The following FNBP1L variants were observed in gnomAD, a reference collection of about 807,000 sequenced individuals.
The protein encoded by FNBP1L is formin-binding protein 1-like.
In FNBP1L, 36 loss-of-function variants were observed where a neutral mutation model predicts 91.2. The observed-to-expected ratio is 0.39, with a 90% confidence interval of 0.30 to 0.52. The LOEUF is 0.52. Among genes scored for constraint, FNBP1L ranks in the 20% least tolerant of loss-of-function variants. The probability of loss-of-function intolerance (pLI) is 0.66; values close to 1 mark genes in which losing one functional copy is unlikely to be tolerated. For missense variants in FNBP1L, 571 were observed against 732.1 expected (o/e 0.78, Z 2.54); for synonymous variants, 242 against 237.0 (o/e 1.02, Z -0.19).
At chr1:93,534,671 G>A (rs756223685) in intron 8 of FNBP1L, 34 bp from the exon 9 acceptor site, 9 of 1,442,286 alleles carry the variant, frequency 6.2e-6, no homozygotes, top group African/African-American at 1.4e-5. Flanking sequence ...ATGAGCAAGT[G>A]AAACAGTTTT....
intron 2 of FNBP1L, among the ~76,000 whole-genome samples, chr1:93,513,921 G>A (rs934406143): frequency 6.6e-6 from 1 of 152,124 alleles, no homozygotes; most frequent in Non-Finnish European, 1.5e-5. Context: ...TCTGGCCAGG[G>A]CAATTAGGCA....
chr1:93,500,688 G>A (rs1236113144), intron 2 of FNBP1L, among the ~76,000 whole-genome samples: 2 of 150,856 alleles, frequency 1.3e-5, no homozygotes, highest in Admixed American at 1.3e-4. Context: ...TTAAACTAGT[G>A]GTCCCAGAAG....
intron 1 of FNBP1L, among the ~76,000 whole-genome samples, chr1:93,452,657 G>A (rs1449891880): frequency 6.6e-6 from 1 of 152,172 alleles, no homozygotes. Context: ...TGAACTCTGT[G>A]CTCCACAATC....
At chr1:93,480,105 C>T (rs530538669) in intron 1 of FNBP1L, among the ~76,000 whole-genome samples, 82 of 152,304 alleles carry the variant, frequency 5.4e-4, no homozygotes, top group South Asian at 1.4e-3. Context: ...TCCTCTGCCG[C>T]GGCTTCAGCT....
intron 2 of FNBP1L, among the ~76,000 whole-genome samples, chr1:93,514,918 G>C (rs1432143762): frequency 6.6e-6 from 1 of 152,156 alleles, no homozygotes; most frequent in Non-Finnish European, 1.5e-5. Flanking sequence ...ATTGACAAAT[G>C]GGATCGAATT....
At chr1:93,492,137 A>G (rs902591040) in intron 1 of FNBP1L, among the ~76,000 whole-genome samples, 1 of 152,206 alleles carries the variant, frequency 6.6e-6, no homozygotes, top group Admixed American at 6.5e-5. Flanking sequence ...AGAAAATAAG[A>G]ATGACATTTA....
chr1:93,472,860 T>A (rs1477650008), intron 1 of FNBP1L, among the ~76,000 whole-genome samples: 3 of 150,476 alleles, frequency 2.0e-5, no homozygotes, highest in East Asian at 3.9e-4. Context: ...CCTAACAGTT[T>A]GTTAGTTTAC....
intron 1 of FNBP1L, among the ~76,000 whole-genome samples, chr1:93,478,226 C>G (rs1309819069): frequency 6.6e-6 from 1 of 152,034 alleles, no homozygotes; most frequent in Admixed American, 6.6e-5. Flanking sequence ...TTGGAAGCTG[C>G]GATGGTCTAG....
chr1:93,466,012 G>A (rs539045841), intron 1 of FNBP1L, among the ~76,000 whole-genome samples: 9 of 152,294 alleles, frequency 5.9e-5, no homozygotes, highest in African/African-American at 2.2e-4. Context: ...CTTTTGAGAA[G>A]TATGTGTTCA....
chr1:93,483,028 A>AG (rs1669767468), intron 1 of FNBP1L, among the ~76,000 whole-genome samples: 1 of 150,270 alleles, frequency 6.7e-6, no homozygotes, highest in Non-Finnish European at 1.5e-5. Context: ...AAAAAAACAA[A>AG]AAAAACAAAA....
At chr1:93,461,916 A>C (rs1393655576) in intron 1 of FNBP1L, among the ~76,000 whole-genome samples, 1 of 152,230 alleles carries the variant, frequency 6.6e-6, no homozygotes, top group Non-Finnish European at 1.5e-5. Flanking sequence ...CATCATTTTA[A>C]GAGGCCTGTT....
At position 93,547,415 on chromosome 1, in the gene FNBP1L, T is replaced by C. The variant is rs1423611083; in HGVS notation, c.1476T>C (p.Asn492=). Residue 492 remains asparagine, a synonymous_variant, in exon 14 of 17, where the codon AAT becomes AAC. Transcript: ENST00000271234. ...RGDRRHSSDI[N]HLVTQGRESP... ...ACAGAAGACATAGCAGTGACATAAATCATCTTGTAACACAGGGACGAGAAA... is the reference window on the plus strand; with the variant it reads ...ACAGAAGACATAGCAGTGACATAAACCATCTTGTAACACAGGGACGAGAAA... 6.4e-7 allele frequency: 1 copy of C among 1,558,392 alleles called. No individual in the cohort carries two copies. The highest frequency in any genetic ancestry group is 1.4e-5 in the African/African-American group (1 of 73,332).
In FNBP1L at chr1:93,448,319, A is replaced by G; in HGVS notation, c.24+14A>G. On this transcript the variant is annotated intron_variant, in intron 1 of 16. Transcript: ENST00000271234. ...ACGGAGCTGTGGGTGAGTCGGGGAG[A>G]GGGGCGCCCCGCACGGACCCCGGCC... The G allele has an allele frequency of 6.6e-7, 1 of 1,505,002 alleles. No individual in the cohort carries two copies. 93.2% of individuals were successfully genotyped at this position (1,505,002 alleles called of 1,614,324 possible).
At chr1:93,533,457 T>A (rs958618424) in intron 8 of FNBP1L, among the ~76,000 whole-genome samples, 2 of 152,044 alleles carry the variant, frequency 1.3e-5, no homozygotes, top group Admixed American at 6.6e-5. Context: ...GCATATGGAG[T>A]GATGACCAAT....
chr1:93,472,549 A>G (rs911041653), intron 1 of FNBP1L, among the ~76,000 whole-genome samples: 7 of 151,864 alleles, frequency 4.6e-5, no homozygotes, highest in Non-Finnish European at 7.4e-5. Flanking sequence ...GTGGTGGCTT[A>G]TGCCTGTAAT....
chr1:93,499,955 A>C (rs1329111245), intron 2 of FNBP1L, among the ~76,000 whole-genome samples: 3 of 152,110 alleles, frequency 2.0e-5, no homozygotes, highest in African/African-American at 7.2e-5. Flanking sequence ...TTTTTTCTTC[A>C]GAGTTTGTAA....
intron 2 of FNBP1L, among the ~76,000 whole-genome samples, chr1:93,511,606 T>C (rs1454021774): frequency 6.6e-6 from 1 of 152,098 alleles, no homozygotes; most frequent in African/African-American, 2.4e-5. Context: ...CACATAACAA[T>C]ATTAACTTTA....
In FNBP1L at chr1:93,523,466, A is replaced by G; in HGVS notation, c.317A>G (p.His106Arg). The change falls in exon 4 of 17, where the codon CAT becomes CGT. Residue 106 changes from histidine (H) to arginine (R), a missense_variant. By Grantham distance (29) the His-to-Arg change is conservative. This residue lies in a region of FNBP1L where 220 missense variants were observed against 313.6 expected (regional missense o/e 0.70). Transcript: ENST00000271234. ...TATGGTGAATTAATGAGATATGCTCATGATCTGAAAACTGAAAGAAAAATG... is the reference window on the plus strand; with the variant it reads ...TATGGTGAATTAATGAGATATGCTCGTGATCTGAAAACTGAAAGAAAAATG... ...RVYGELMRYA[H>R]DLKTERKMHL... is the part of the protein sequence containing the mutation. The G allele has an allele frequency of 6.2e-7, 1 of 1,606,462 alleles. No individual in the cohort carries two copies. Among genetic ancestry groups the G allele is most frequent in the Non-Finnish European group, 8.5e-7 (1 of 1,176,694 alleles).
At chr1:93,510,118 A>C (rs1049721226) in intron 2 of FNBP1L, among the ~76,000 whole-genome samples, 1 of 152,334 alleles carries the variant, frequency 6.6e-6, no homozygotes, top group Non-Finnish European at 1.5e-5. Flanking sequence ...CCACAGCTCA[A>C]GGAGGCCTGC....
Sources: gnomAD v4.1 joint callset for allele counts (sites outside exome capture counted in the v4.1 genomes callset) on GRCh38, gnomAD v4.1.1 for gene constraint, gnomAD v4.1.1 regional missense constraint, MANE v1.5 for transcripts, NCBI Gene and HGNC (gene_info 2026-07-23, HGNC 2026-07-21) for gene names.